TEX10: variants seen among roughly 807,000 people sequenced by gnomAD.
The protein encoded by TEX10 is testis expressed 10.
A neutral mutation model predicts 104.4 loss-of-function variants in TEX10; 24 were observed. That is an observed-to-expected ratio of 0.23 (90% CI 0.17 to 0.32). The LOEUF is 0.32. Among genes scored for constraint, TEX10 ranks in the 10% least tolerant of loss-of-function variants. The pLI is 1.00. For missense variants in TEX10, 921 were observed against 1,083.9 expected (o/e 0.85, Z 2.11); for synonymous variants, 396 against 393.4 (o/e 1.01, Z -0.08).
intron 2 of TEX10, among the ~76,000 whole-genome samples, chr9:100,348,290 G>A (rs1022393977): frequency 1.3e-5 from 2 of 152,160 alleles, no homozygotes; most frequent in African/African-American, 4.8e-5. Context: ...ATTCCTAATG[G>A]GTATAAGTTT....
chr9:100,309,344 T>A (rs1280513060), intron 12 of TEX10, among the ~76,000 whole-genome samples: 1 of 152,208 alleles, frequency 6.6e-6, no homozygotes, highest in East Asian at 1.9e-4. Flanking sequence ...ATACATGGTT[T>A]CAATCTCCTG....
chr9:100,338,672 G>C (rs906749642), intron 5 of TEX10, among the ~76,000 whole-genome samples: 6 of 152,094 alleles, frequency 3.9e-5, no homozygotes, highest in Admixed American at 3.3e-4. Context: ...AGTGGGTCAC[G>C]AGGTAAGGAG....
At chr9:100,302,928 G>C (rs1259072760) in intron 14 of TEX10, among the ~76,000 whole-genome samples, 47 of 134,228 alleles carry the variant, frequency 3.5e-4, no homozygotes, top group East Asian at 9.9e-4. Context: ...TTTTTTAACC[G>C]CCCCCCCCCC....
intron 6 of TEX10, among the ~76,000 whole-genome samples, chr9:100,329,495 A>G (rs1834799028): frequency 6.6e-6 from 1 of 152,212 alleles, no homozygotes; most frequent in African/African-American, 2.4e-5. Flanking sequence ...AAACCTAGGA[A>G]TGACAAAAAC....
At chr9:100,340,873 T>G (rs771816397) in intron 4 of TEX10, among the ~76,000 whole-genome samples, 4 of 152,194 alleles carry the variant, frequency 2.6e-5, no homozygotes, top group Non-Finnish European at 4.4e-5. Flanking sequence ...TTTCCTCTTA[T>G]CCAAGGTAAC....
At chr9:100,329,803 CT>C in intron 6 of TEX10, 127 bp downstream of exon 6, 2 of 826,454 alleles carry the variant, frequency 2.4e-6, no homozygotes, top group Non-Finnish European at 3.8e-6. Flanking sequence ...CAGTAGCTAC[CT>C]TTTATGGCTT....
intron 9 of TEX10, 44 bp from the exon 10 acceptor site, chr9:100,321,815 T>G (rs1422942626): frequency 6.9e-7 from 1 of 1,442,430 alleles, no homozygotes; most frequent in East Asian, 2.3e-5. Context: ...GTGACCAACT[T>G]GACAGACTTG....
At chr9:100,350,568 T>C (rs926154854) in intron 1 of TEX10, among the ~76,000 whole-genome samples, 1 of 152,162 alleles carries the variant, frequency 6.6e-6, no homozygotes, top group East Asian at 1.9e-4. Flanking sequence ...AACAATACTG[T>C]ACACCACTTG....
Position 100,320,307 on chromosome 9 carries a change from A to G in TEX10, c.2160T>C (p.Leu720=), listed in dbSNP as rs1189951835. The part of the protein sequence containing the change: ...QTQLSPVLLY[L]TDLDQFLHHW... Reference sequence around the variant, plus strand: ...GGTGTAAAAATTGATCCAAATCTGTAAGGTAGAGAAGCACAGGGGAAAGCT... The same window carrying G: ...GGTGTAAAAATTGATCCAAATCTGTGAGGTAGAGAAGCACAGGGGAAAGCT... Residue 720 remains leucine, a synonymous_variant, in exon 11 of 15, where the codon CTT becomes CTC. Transcript: ENST00000374902. The G allele has an allele frequency of 6.2e-7, 1 of 1,613,050 alleles. No homozygotes were observed. Among genetic ancestry groups the G allele is most frequent in the East Asian group, 2.2e-5 (1 of 44,844 alleles).
chr9:100,330,960 G>T (rs866385946), intron 5 of TEX10, among the ~76,000 whole-genome samples: 15 of 152,016 alleles, frequency 9.9e-5, no homozygotes, highest in African/African-American at 3.6e-4. Context: ...TACAAAAAAT[G>T]AAAGTAAAAT....
At chr9:100,331,643 G>T (rs1390480992) in intron 5 of TEX10, among the ~76,000 whole-genome samples, 1 of 152,198 alleles carries the variant, frequency 6.6e-6, no homozygotes, top group Non-Finnish European at 1.5e-5. Flanking sequence ...AGCCTGGAAA[G>T]GTAAAATGAA....
intron 4 of TEX10, among the ~76,000 whole-genome samples, chr9:100,344,285 C>CA (rs753694187): frequency 5.3e-5 from 8 of 152,116 alleles, no homozygotes; most frequent in Non-Finnish European, 8.8e-5. Context: ...TAAGCCTAGT[C>CA]ATGTTATAAT....
At position 100,310,352 on chromosome 9, in the gene TEX10, G is replaced by A. The variant is rs1226420814; in HGVS notation, c.2230C>T (p.Pro744Ser). 6.2e-7 allele frequency: 1 copy of A among 1,614,028 alleles called. No homozygotes were observed. Among genetic ancestry groups the A allele is most frequent in the East Asian group, 2.2e-5 (1 of 44,868 alleles). Residue 744 changes from proline to serine, a missense_variant, in exon 12 of 15, where the codon CCT (proline) becomes TCT (serine). Around this residue, in one of 3 missense-constraint regions of TEX10, gnomAD observed 753 missense variants for 868.4 expected, o/e 0.87. Coordinates refer to ENST00000374902, the MANE Select transcript of TEX10 (RefSeq NM_017746.4). ...EAVFHSLLVI[P>S]ARSQNFDILQ... is the part of the protein sequence containing the mutation. ...ATGTCAAAGTTCTGACTTCGGGCAG[G>A]AATAACCAATAAACTGTGAAAAACT...
At chr9:100,311,812 T>C (rs1834289357) in intron 11 of TEX10, among the ~76,000 whole-genome samples, 3 of 152,142 alleles carry the variant, frequency 2.0e-5, no homozygotes, top group East Asian at 1.9e-4. Flanking sequence ...TGATACAGTA[T>C]ACTACCAAAA....
Position 100,303,733 on chromosome 9 carries a change from C to T in TEX10, c.2575G>A (p.Val859Ile). 1.2e-6 allele frequency: 2 copies of T among 1,614,126 alleles called. No homozygotes were observed. Among genetic ancestry groups the T allele is most frequent in the Non-Finnish European group, 8.5e-7 (1 of 1,180,020 alleles). The change falls in exon 14 of 15, where the codon GTT (valine) becomes ATT (isoleucine). Residue 859 changes from valine (V) to isoleucine (I), a missense_variant. Val to Ile is a conservative substitution (Grantham distance 29, BLOSUM62 3). Coordinates refer to ENST00000374902, the MANE Select transcript of TEX10 (RefSeq NM_017746.4). ...VNRVGPEELPVVGQLLRLLLQ... is the reference protein window; with the variant it reads ...VNRVGPEELPIVGQLLRLLLQ... ...AGCAGTCGAAGCAGCTGGCCCACAA[C>T]AGGCAGCTCCTCAGGCCCAACTCTG...
At chr9:100,335,994 C>G (rs574182541) in intron 5 of TEX10, among the ~76,000 whole-genome samples, 4 of 151,594 alleles carry the variant, frequency 2.6e-5, no homozygotes, top group Non-Finnish European at 5.9e-5. Flanking sequence ...ATGGTGAAAC[C>G]CCGTCTCTAC....
intron 14 of TEX10, 105 bp downstream of exon 14, chr9:100,303,527 T>C: frequency 8.5e-7 from 1 of 1,172,072 alleles, no homozygotes; most frequent in Non-Finnish European, 1.2e-6. Flanking sequence ...CTGGACTCAA[T>C]GTATGGGATC....
intron 2 of TEX10, among the ~76,000 whole-genome samples, chr9:100,348,261 C>T (rs2118938702): frequency 6.6e-6 from 1 of 152,294 alleles, no homozygotes; most frequent in South Asian, 2.1e-4. Context: ...TTGCCTAGGG[C>T]TGGAAGAAAT....
At chr9:100,338,642 G>A (rs895130290) in intron 5 of TEX10, among the ~76,000 whole-genome samples, 1 of 152,156 alleles carries the variant, frequency 6.6e-6, no homozygotes, top group Non-Finnish European at 1.5e-5. Context: ...TGTAATCCCA[G>A]CACTTTGGGA....
Sources: allele counts gnomAD v4.1 joint callset (sites outside exome capture counted in the v4.1 genomes callset), GRCh38; gene constraint gnomAD v4.1.1; regional missense constraint gnomAD v4.1.1; transcripts MANE v1.5; gene names NCBI Gene and HGNC (gene_info 2026-07-23, HGNC 2026-07-21).